PIGU: variants seen among roughly 807,000 people sequenced by gnomAD.
The protein encoded by PIGU is phosphatidylinositol glycan anchor biosynthesis class U, also known as GPI-anchor transamidase component PIGU.
PIGU carries 24 observed loss-of-function variants against 49.9 expected under a neutral mutation model. That is an observed-to-expected ratio of 0.48 (90% confidence interval 0.35 to 0.68). The LOEUF (loss-of-function observed/expected upper bound fraction) is 0.68. PIGU is among the 30% of genes least tolerant of loss of function. The probability of loss-of-function intolerance (pLI) is 0.01; values close to 1 mark genes in which losing one functional copy is unlikely to be tolerated. For missense variants in PIGU, 490 were observed against 532.6 expected, an observed-to-expected ratio of 0.92 and a Z score of 0.79; for synonymous variants, 220 against 205.7, an observed-to-expected ratio of 1.07 and a Z score of -0.59.
rs902430923 is a variant in PIGU at position 34,658,379 on chromosome 20, A to G, written c.131-1135T>C. ...TCCCAGCCACCTGCCTTGGCCTCCCAAAGTGCCGAGATTGCAGCCTCTGCC... is the reference window on the plus strand; with the variant it reads ...TCCCAGCCACCTGCCTTGGCCTCCCGAAGTGCCGAGATTGCAGCCTCTGCC... On this transcript the variant is annotated intron_variant, in intron 1 of 11. Transcript: ENST00000217446. Among the ~76,000 whole-genome samples the G allele has an allele frequency of 2.0e-3, 299 of 152,148 alleles. 1 individual carries two copies. Among genetic ancestry groups the G allele is most frequent in the Non-Finnish European group, 3.6e-3 (248 of 68,006 alleles).
intron 1 of PIGU, among the ~76,000 whole-genome samples, chr20:34,664,422 G>GGCA (rs1987023442): frequency 6.6e-6 from 1 of 152,222 alleles, no homozygotes; most frequent in Non-Finnish European, 1.5e-5. Flanking sequence ...CAGTTGACCG[G>GGCA]GCACAGTGGC....
intron 6 of PIGU, among the ~76,000 whole-genome samples, chr20:34,625,127 T>G (rs1452515713): frequency 6.6e-6 from 1 of 152,138 alleles, no homozygotes; most frequent in Non-Finnish European, 1.5e-5. Flanking sequence ...ATCCCAGCAC[T>G]TTGGGAGGCC....
chr20:34,625,190 G>A (rs1301276136), intron 6 of PIGU, among the ~76,000 whole-genome samples: 2 of 151,708 alleles, frequency 1.3e-5, no homozygotes, highest in African/African-American at 2.4e-5. Context: ...TGACCAACAT[G>A]GAGAAACCCC....
intron 8 of PIGU, 134 bp downstream of exon 8, chr20:34,588,319 C>T: frequency 2.5e-6 from 2 of 810,204 alleles, no homozygotes; most frequent in Non-Finnish European, 1.8e-6. Flanking sequence ...AATGGTAATT[C>T]TATTTTTAGT....
chr20:34,641,840 A>C (rs966311241), intron 4 of PIGU, among the ~76,000 whole-genome samples: 1 of 152,220 alleles, frequency 6.6e-6, no homozygotes, highest in Non-Finnish European at 1.5e-5. Flanking sequence ...AAAATGAGTT[A>C]ATTTTTGACA....
intron 5 of PIGU, 136 bp downstream of exon 5, chr20:34,637,740 G>A: frequency 1.3e-6 from 2 of 1,495,712 alleles, no homozygotes; most frequent in East Asian, 2.5e-5. Context: ...GAGCCCAGTT[G>A]TGCAACAGAA....
At chr20:34,575,350 T>C in intron 10 of PIGU, 104 bp from the exon 11 acceptor site, 3 of 1,386,392 alleles carry the variant, frequency 2.2e-6, no homozygotes, top group Non-Finnish European at 2.9e-6. Flanking sequence ...GAGCATCATG[T>C]AGCTCAAAGG....
chr20:34,672,856 C>T (rs6059975), intron 1 of PIGU, among the ~76,000 whole-genome samples: 51,284 of 112,972 alleles, frequency 0.45, 13,268 homozygotes, highest in African/African-American at 0.63. Context: ...CCCTGTCTCT[C>T]AAAAAAAAAA....
intron 2 of PIGU, among the ~76,000 whole-genome samples, chr20:34,650,700 C>CTTTTTTTTTTTTTTTTTTTTTTTT (rs59998699): frequency 0.019 from 737 of 38,782 alleles, 211 homozygotes; most frequent in Non-Finnish European, 0.023. Flanking sequence ...CTTTTTTTCT[C>CTTTTTTTTTTTTTTTTTTTTTTTT]TTTTTTTTTT....
intron 10 of PIGU, among the ~76,000 whole-genome samples, chr20:34,580,107 AG>A (rs1386515341): frequency 6.6e-6 from 1 of 152,220 alleles, no homozygotes; most frequent in African/African-American, 2.4e-5. Context: ...ATGGGATGAA[AG>A]ACAGTCACTG....
At chr20:34,642,958 C>A (rs1986216642) in intron 4 of PIGU, among the ~76,000 whole-genome samples, 1 of 151,668 alleles carries the variant, frequency 6.6e-6, no homozygotes, top group African/African-American at 2.4e-5. Flanking sequence ...GTCTACCTAC[C>A]CAACCTATTT....
intron 11 of PIGU, among the ~76,000 whole-genome samples, chr20:34,565,181 T>A (rs1982692792): frequency 6.6e-6 from 1 of 152,162 alleles, no homozygotes; most frequent in African/African-American, 2.4e-5. Context: ...TTAAGTCTCT[T>A]CCTGTCCCCT....
chr20:34,657,320 CA>C (rs970530820), intron 1 of PIGU, 76 bp from the exon 2 acceptor site: 18 of 1,055,018 alleles, frequency 1.7e-5, no homozygotes, highest in South Asian at 1.1e-4. Context: ...CCCCCACAAC[CA>C]AAAAGGGCCT....
intron 5 of PIGU, among the ~76,000 whole-genome samples, chr20:34,635,823 C>T (rs944870579): frequency 3.3e-5 from 5 of 151,590 alleles, no homozygotes; most frequent in Non-Finnish European, 5.9e-5. Context: ...TGCAGTGAAC[C>T]GAGATGACGC....
At position 34,644,215 on chromosome 20, in the gene PIGU, T is replaced by G; in HGVS notation, c.267A>C (p.Ala89=). The part of the protein sequence containing the change: ...YAELVFMITD[A]LTAIALYFAI... ...CAAAATACAGGGCAATAGCAGTGAG[T>G]GCATCAGTTATCTGTCAAAAGAAAG... Residue 89 remains alanine (A), a synonymous_variant, in exon 4 of 12, where the codon GCA becomes GCC. Transcript: ENST00000217446. 1 of 1,607,020 alleles carries G rather than the reference T, an allele frequency of 6.2e-7. No homozygotes were observed. Among genetic ancestry groups the G allele is most frequent in the South Asian group, 1.1e-5 (1 of 90,878 alleles).
intron 3 of PIGU, among the ~76,000 whole-genome samples, chr20:34,644,700 C>T (rs1211874583): frequency 6.6e-6 from 1 of 152,180 alleles, no homozygotes; most frequent in East Asian, 1.9e-4. Flanking sequence ...ACCTGTCATC[C>T]CAATTCTGAA....
intron 10 of PIGU, among the ~76,000 whole-genome samples, chr20:34,576,965 G>A (rs536458679): frequency 5.1e-4 from 77 of 152,252 alleles, no homozygotes; most frequent in African/African-American, 1.7e-3. Flanking sequence ...CATGTAAGGC[G>A]ATGTCTTCAC....
In PIGU at chr20:34,643,948, C is replaced by T. The variant is rs979396431; in HGVS notation, c.318+216G>A. ...GTGGATATTAATAGTTATTAATAAG[C>T]TACATAGATGAAGCTGGCCCTTCTT... On this transcript the variant is annotated intron_variant, in intron 4 of 11. Coordinates refer to ENST00000217446, the MANE Select transcript of PIGU (RefSeq NM_080476.5). The T allele has an allele frequency of 4.9e-6, 2 of 409,188 alleles. No homozygotes were observed. The highest frequency in any genetic ancestry group is 6.8e-5 in the Admixed American group (2 of 29,362). The allele number at this position is 409,188 out of a possible 1,614,324, so 25.3% of individuals were successfully genotyped here. A position where few individuals can be genotyped will look rare whatever the true frequency, so the allele number is the denominator to read the frequency against.
At chr20:34,663,683 A>T (rs1986995232) in intron 1 of PIGU, among the ~76,000 whole-genome samples, 1 of 152,208 alleles carries the variant, frequency 6.6e-6, no homozygotes, top group African/African-American at 2.4e-5. Context: ...TACTGCAACC[A>T]AAAGGAAATC....
Sources: gnomAD v4.1 joint callset for allele counts (sites outside exome capture counted in the v4.1 genomes callset) on GRCh38, gnomAD v4.1.1 for gene constraint, MANE v1.5 for transcripts, NCBI Gene and HGNC (gene_info 2026-07-23, HGNC 2026-07-21) for gene names.